IGFBP6: variants seen among roughly 807,000 people sequenced by gnomAD.
IGFBP6 encodes the protein insulin-like growth factor-binding protein 6.
In IGFBP6, 24 loss-of-function variants were observed where a neutral mutation model predicts 24.5. The ratio of observed to expected loss-of-function variants is 0.98; its 90% CI spans 0.71 to 1.38. The LOEUF is 1.38. IGFBP6 is among the 40% of genes most tolerant of loss of function. The pLI, the probability that IGFBP6 is intolerant of heterozygous loss-of-function variation, is 0.00. For synonymous variants in IGFBP6, 147 were observed against 137.4 expected (o/e 1.07, Z -0.49); for missense variants, 331 against 324.8 (o/e 1.02, Z -0.15).
In IGFBP6 at chr12:53,101,173, T is replaced by C. The variant is rs1328529901; in HGVS notation, c.600+13T>C. 1 of 1,612,118 alleles carries C rather than the reference T, an allele frequency of 6.2e-7. No individual in the cohort carries two copies. The highest frequency in any genetic ancestry group is 8.5e-7 in the Non-Finnish European group (1 of 1,178,390). On this transcript the variant is annotated intron_variant, in intron 3 of 3. Transcript: ENST00000301464. ...CCGGAAGCGGCAGGTGAGACTATTT[T>C]TCTTCTCCTCCTGCTCCAGCAGAAG...
In IGFBP6 at chr12:53,098,007, T is replaced by G. The variant is rs1404039169; in HGVS notation, c.290T>G (p.Leu97Arg). 1 of 1,512,094 alleles carries G rather than the reference T, an allele frequency of 6.6e-7. No individual in the cohort carries two copies. Among genetic ancestry groups the G allele is most frequent in the East Asian group, 2.6e-5 (1 of 38,244 alleles). The allele number at this position is 1,512,094 out of a possible 1,614,324, so 93.7% of individuals were successfully genotyped here. ...PKDDEAPLRA[L>R]LLGRGRCLPA... is the part of the protein sequence containing the mutation. ...GACGACGAGGCGCCTTTGCGGGCGC[T>G]GCTGCTCGGCCGAGGCCGCTGCCTT... is the stretch of plus-strand genomic sequence containing the variant. Residue 97 changes from leucine (L) to arginine (R), a missense_variant, in exon 1 of 4, where the codon CTG (leucine) becomes CGG (arginine). Coordinates refer to ENST00000301464, the MANE Select transcript of IGFBP6 (RefSeq NM_002178.3).
At chr12:53,101,623 G>C (rs917328006) in intron 3 of IGFBP6, among the ~76,000 whole-genome samples, 1 of 152,152 alleles carries the variant, frequency 6.6e-6, no homozygotes, top group Non-Finnish European at 1.5e-5. Flanking sequence ...CACTGGGCCG[G>C]GTGCGGTGTC....
At position 53,097,824 on chromosome 12, in the gene IGFBP6, T is replaced by G; in HGVS notation, c.107T>G (p.Val36Gly). 6.5e-7 allele frequency: 1 copy of G among 1,538,960 alleles called. No individual in the cohort carries two copies. Among genetic ancestry groups the G allele is most frequent in the Non-Finnish European group, 8.7e-7 (1 of 1,144,586 alleles). Reference protein sequence around the residue: ...LARCPGCGQGVQAGCPGGCVE... With the variant: ...LARCPGCGQGGQAGCPGGCVE... ...CGGTGCCCAGGCTGCGGGCAAGGGG[T>G]GCAGGCGGGTTGTCCAGGGGGCTGC... The change falls in exon 1 of 4, where the codon GTG becomes GGG. Residue 36 changes from valine (V) to glycine (G), a missense_variant. Transcript: ENST00000301464.
intron 3 of IGFBP6, among the ~76,000 whole-genome samples, chr12:53,101,647 C>T (rs1285388603): frequency 6.6e-6 from 1 of 152,108 alleles, no homozygotes; most frequent in Non-Finnish European, 1.5e-5. Context: ...TGCCTGTAAT[C>T]CCAGCACTTT....
rs1028441702 is a variant in IGFBP6, at chr12:53,099,781, AT to A, written c.335-925del. On this transcript the variant is annotated intron_variant, in intron 1 of 3. Coordinates refer to ENST00000301464, the MANE Select transcript of IGFBP6 (RefSeq NM_002178.3). ...TTTTTTAAAATTAAGTAATTAGTTA[AT>A]TTTTTAAAATTAAGTAATTAATTAA... Among the ~76,000 whole-genome samples the A allele has an allele frequency of 7.8e-4, 118 of 151,830 alleles. 1 individual carries two copies. Among genetic ancestry groups the A allele is most frequent in the Middle Eastern group, 3.4e-3 (1 of 294 alleles).
rs1450396499 is a variant in IGFBP6, at chr12:53,097,819, A to G, written c.102A>G (p.Gln34=). The G allele has an allele frequency of 2.8e-5, 43 of 1,540,704 alleles. No homozygotes were observed. Among genetic ancestry groups the G allele is most frequent in the Non-Finnish European group, 3.8e-5 (43 of 1,145,260 alleles). The change falls in exon 1 of 4, where the codon CAA becomes CAG. Residue 34 remains glutamine, a synonymous_variant. Transcript: ENST00000301464. ...GALARCPGCG[Q]GVQAGCPGGC... is the part of the protein sequence containing the mutation. ...TGGCGCGGTGCCCAGGCTGCGGGCA[A>G]GGGGTGCAGGCGGGTTGTCCAGGGG...
In IGFBP6 at chr12:53,102,328, T is replaced by G; in HGVS notation, c.*161T>G. 2.7e-6 allele frequency: 2 copies of G among 750,896 alleles called. No individual in the cohort carries two copies. Among genetic ancestry groups the G allele is most frequent in the South Asian group, 3.8e-5 (2 of 52,898 alleles). 46.5% of individuals were successfully genotyped at this position (750,896 alleles called of 1,614,324 possible). On this transcript the variant is annotated 3_prime_UTR_variant, in exon 4 of 4. Coordinates refer to ENST00000301464, the MANE Select transcript of IGFBP6 (RefSeq NM_002178.3). Reference sequence around the variant, plus strand: ...GTGTTGGCTGGGGTGTCAATAAAGCTGTGCTTGGGGTCGCTGGCTTGTGTC... The same window carrying G: ...GTGTTGGCTGGGGTGTCAATAAAGCGGTGCTTGGGGTCGCTGGCTTGTGTC...
chr12:53,101,569 G>A (rs1244791047), intron 3 of IGFBP6, among the ~76,000 whole-genome samples: 1 of 152,114 alleles, frequency 6.6e-6, no homozygotes, highest in African/African-American at 2.4e-5. Context: ...CTAGCAGAAT[G>A]CACACAATTT....
rs1249835395 is a variant in IGFBP6, at chr12:53,102,051, T to A, written c.607T>A (p.Ser203Thr). 1 of 1,613,324 alleles carries A rather than the reference T, an allele frequency of 6.2e-7. No homozygotes were observed. Among genetic ancestry groups the A allele is most frequent in the Non-Finnish European group, 8.5e-7 (1 of 1,179,916 alleles). ...TGTGTGCCTCTCTCTCCAGTGCCGC[T>A]CCTCCCAGGGGCAGCGCCGAGGTCC... The part of the protein sequence containing the change: ...RGFYRKRQCR[S>T]SQGQRRGPCW... Residue 203 changes from serine (S) to threonine (T), a missense_variant, in exon 4 of 4, where the codon TCC becomes ACC. Ser to Thr is a moderately conservative substitution (Grantham distance 58, BLOSUM62 1). Coordinates refer to ENST00000301464, the MANE Select transcript of IGFBP6 (RefSeq NM_002178.3).
chr12:53,101,370 C>A (rs1648956400), intron 3 of IGFBP6, among the ~76,000 whole-genome samples: 1 of 152,202 alleles, frequency 6.6e-6, no homozygotes, highest in African/African-American at 2.4e-5. Context: ...AAGGAATGCC[C>A]TAACTCAGTG....
intron 2 of IGFBP6, 53 bp from the exon 3 acceptor site, chr12:53,100,988 G>A (rs1013523035): frequency 4.3e-5 from 69 of 1,606,530 alleles, no homozygotes; most frequent in Non-Finnish European, 5.5e-5. Flanking sequence ...CAGAAGGTTG[G>A]AATGGGGAGC....
rs1266020326 is a variant in IGFBP6 at position 53,098,026 on chromosome 12, C to T, written c.309C>T (p.Arg103=). The part of the protein sequence containing the change: ...PLRALLLGRG[R]CLPARAPAVA... The stretch of plus-strand genomic sequence containing the variant: ...GGGCGCTGCTGCTCGGCCGAGGCCG[C>T]TGCCTTCCGGCCCGCGCGCCTGCTG... Residue 103 remains arginine (R), a synonymous_variant, in exon 1 of 4, where the codon CGC becomes CGT. Coordinates refer to ENST00000301464, the MANE Select transcript of IGFBP6 (RefSeq NM_002178.3). 2.0e-6 allele frequency: 3 copies of T among 1,489,316 alleles called. No individual in the cohort carries two copies. Among genetic ancestry groups the T allele is most frequent in the Non-Finnish European group, 2.7e-6 (3 of 1,128,724 alleles). 92.3% of individuals were successfully genotyped at this position (1,489,316 alleles called of 1,614,324 possible). A position where few individuals can be genotyped will look rare whatever the true frequency, so the allele number is the denominator to read the frequency against.
At position 53,102,128 on chromosome 12, in the gene IGFBP6, C is replaced by G. The variant is rs1257855601; in HGVS notation, c.684C>G (p.Gly228=). 1.9e-6 allele frequency: 3 copies of G among 1,613,964 alleles called. No individual in the cohort carries two copies. Among genetic ancestry groups the G allele is most frequent in the Non-Finnish European group, 2.5e-6 (3 of 1,179,962 alleles). The change falls in exon 4 of 4, where the codon GGC becomes GGG. Residue 228 remains glycine, a synonymous_variant. Coordinates refer to ENST00000301464, the MANE Select transcript of IGFBP6 (RefSeq NM_002178.3). ...MGKSLPGSPD[G]NGSSSCPTGS... ...AGTCCCTGCCAGGGTCTCCAGATGG[C>G]AATGGAAGCTCCTCCTGCCCCACTG...
Position 53,097,890 on chromosome 12 carries a change from C to T in IGFBP6, c.173C>T (p.Ala58Val). 6.6e-7 allele frequency: 1 copy of T among 1,517,404 alleles called. No individual in the cohort carries two copies. The allele number at this position is 1,517,404 out of a possible 1,614,324, so 94.0% of individuals were successfully genotyped here. A position where few individuals can be genotyped will look rare whatever the true frequency, so the allele number is the denominator to read the frequency against. The change falls in exon 1 of 4, where the codon GCG becomes GTG. Residue 58 changes from alanine to valine, a missense_variant. Ala to Val is a moderately conservative substitution (Grantham distance 64). Transcript: ENST00000301464. ...GGGGGGTCGCCAGCCGAGGGCTGCG[C>T]GGAAGCTGAGGGCTGTCTCAGGAGG... is the stretch of plus-strand genomic sequence containing the variant. ...EDGGSPAEGC[A>V]EAEGCLRREG... is the part of the protein sequence containing the mutation.
At chr12:53,100,396 G>A (rs9325154) in intron 1 of IGFBP6, among the ~76,000 whole-genome samples, 44,657 of 152,120 alleles carry the variant, frequency 0.29, 8,547 homozygotes, top group East Asian at 0.62. Flanking sequence ...TCCTGGGCTC[G>A]AGCAATCCTC....
intron 1 of IGFBP6, among the ~76,000 whole-genome samples, chr12:53,098,570 G>C (rs1213732293): frequency 6.6e-6 from 1 of 152,194 alleles, no homozygotes; most frequent in Non-Finnish European, 1.5e-5. Context: ...GTCTAGAACC[G>C]AAGAGGCCCC....
Position 53,097,905 on chromosome 12 carries a change from G to C in IGFBP6, c.188G>C (p.Cys63Ser). The C allele has an allele frequency of 6.6e-7, 1 of 1,517,080 alleles. No individual in the cohort carries two copies. The highest frequency in any genetic ancestry group is 8.8e-7 in the Non-Finnish European group (1 of 1,135,686). The allele number at this position is 1,517,080 out of a possible 1,614,324, so 94.0% of individuals were successfully genotyped here. A position where few individuals can be genotyped will look rare whatever the true frequency, so the allele number is the denominator to read the frequency against. Reference sequence around the variant, plus strand: ...GAGGGCTGCGCGGAAGCTGAGGGCTGTCTCAGGAGGGAGGGGCAGGAGTGC... The same window carrying C: ...GAGGGCTGCGCGGAAGCTGAGGGCTCTCTCAGGAGGGAGGGGCAGGAGTGC... ...PAEGCAEAEG[C>S]LRREGQECGV... The change falls in exon 1 of 4, where the codon TGT (cysteine) becomes TCT (serine). Residue 63 changes from cysteine (C) to serine (S), a missense_variant. Transcript: ENST00000301464.
chr12:53,098,678 C>T (rs1287256551), intron 1 of IGFBP6, among the ~76,000 whole-genome samples: 1 of 152,072 alleles, frequency 6.6e-6, no homozygotes, highest in Non-Finnish European at 1.5e-5. Context: ...AGGGAATCTG[C>T]CAAATCAGGG....
At chr12:53,098,589 G>T (rs1054358686) in intron 1 of IGFBP6, among the ~76,000 whole-genome samples, 1 of 152,190 alleles carries the variant, frequency 6.6e-6, no homozygotes, top group Non-Finnish European at 1.5e-5. Flanking sequence ...CCAAATCCAG[G>T]GTTGTATTAG....
Sources: gnomAD v4.1 joint callset for allele counts (sites outside exome capture counted in the v4.1 genomes callset) on GRCh38, gnomAD v4.1.1 for gene constraint, MANE v1.5 for transcripts, NCBI Gene and HGNC (gene_info 2026-07-23, HGNC 2026-07-21) for gene names.